Variants in PYGM observed in about 807,000 individuals in gnomAD.
PYGM encodes glycogen phosphorylase, muscle form.
PYGM carries 81 observed loss-of-function variants against 99.3 expected under a neutral mutation model. The ratio of observed to expected loss-of-function variants is 0.82; its 90% CI spans 0.68 to 0.98. The LOEUF is 0.98. Ranked by LOEUF, PYGM falls within the 50% of genes least tolerant of loss-of-function variation. The pLI is 0.00. For synonymous variants in PYGM, 436 were observed against 451.5 expected, an observed-to-expected ratio of 0.97 and a Z score of 0.44; for missense variants, 1,030 against 1,158.1, an observed-to-expected ratio of 0.89 and a Z score of 1.61.
intron 1 of PYGM, among the ~76,000 whole-genome samples, chr11:64,759,011 A>AT (rs1565538466): frequency 5.5e-4 from 84 of 152,000 alleles, no homozygotes; most frequent in African/African-American, 2.0e-3. Context: ...CCCTGCACAC[A>AT]CCCCCAGAGA....
Position 64,754,152 on chromosome 11 carries a change from C to G in PYGM, c.1092+101G>C. On this transcript the variant is annotated intron_variant, in intron 9 of 19. Transcript: ENST00000164139. The surrounding 1 kb of genome is among the most constrained non-coding windows in gnomAD (Gnocchi z 5.5). ...AGGACGGTCCCTCTGGCCTCAGGCT[C>G]TGATCCCTTCACTCCATTCATATCC... The G allele has an allele frequency of 6.3e-7, 1 of 1,581,740 alleles. No homozygotes were observed. Among genetic ancestry groups the G allele is most frequent in the Non-Finnish European group, 8.7e-7 (1 of 1,151,484 alleles).
Position 64,753,873 on chromosome 11 carries a change from A to G in PYGM, c.1239+6T>C. 1 of 1,557,226 alleles carries G rather than the reference A, an allele frequency of 6.4e-7. No homozygotes were observed. Among genetic ancestry groups the G allele is most frequent in the South Asian group, 1.2e-5 (1 of 85,178 alleles). On this transcript the variant is annotated splice_donor_region_variant and intron_variant, in intron 10 of 19. Coordinates refer to ENST00000164139, the MANE Select transcript of PYGM (RefSeq NM_005609.4). ...CCCACACCATCCCCCAAGCCTCCGG[A>G]CTCACGTTGAGGAAGCGCTGGTTGA...
chr11:64,747,432 TCCCATG>T, intron 17 of PYGM, 74 bp from the exon 18 acceptor site: 1 of 1,604,276 alleles, frequency 6.2e-7, no homozygotes, highest in Non-Finnish European at 8.5e-7. Flanking sequence ...AGCTGAGAAG[TCCCATG>T]CCCCAGGGTC....
rs1287858452 is a variant in PYGM, at chr11:64,753,842, C to A, written c.1239+37G>T. ...CCCAGGCCCAGACTGGGTGTCCCCC[C>A]TCACCCCCACACCATCCCCCAAGCC... On this transcript the variant is annotated intron_variant, in intron 10 of 19. Transcript: ENST00000164139. 4.5e-6 allele frequency: 7 copies of A among 1,551,470 alleles called. No individual in the cohort carries two copies. In the Admixed American group the frequency reaches 1.2e-4, roughly 26 times the overall value.
intron 18 of PYGM, 64 bp from the exon 19 acceptor site, chr11:64,747,051 A>C (rs1443717193): frequency 1.3e-6 from 2 of 1,592,414 alleles, no homozygotes; most frequent in African/African-American, 1.3e-5. Flanking sequence ...CTATGAGGTC[A>C]AGGGCCAAGC....
intron 16 of PYGM, 144 bp downstream of exon 16, chr11:64,751,181 T>G (rs1432792202): frequency 7.8e-7 from 1 of 1,275,248 alleles, no homozygotes; most frequent in African/African-American, 1.5e-5. Context: ...CATGGGCCAC[T>G]GCGCCTGGCC....
At chr11:64,751,733 C>T (rs886704060) in intron 14 of PYGM, 78 bp from the exon 15 acceptor site, 34 of 1,569,746 alleles carry the variant, frequency 2.2e-5, no homozygotes, top group Non-Finnish European at 2.6e-5. Context: ...TGGGCTGGGA[C>T]ACCGTAGGCC....
intron 5 of PYGM, among the ~76,000 whole-genome samples, chr11:64,756,463 G>GT (rs2058394942): frequency 1.3e-5 from 2 of 152,210 alleles, no homozygotes; most frequent in Non-Finnish European, 2.9e-5. Context: ...TTGTTTGTTT[G>GT]TTTTTGAGAT....
intron 17 of PYGM, 22 bp from the exon 18 acceptor site, chr11:64,747,380 C>T: frequency 6.2e-7 from 1 of 1,614,026 alleles, no homozygotes; most frequent in South Asian, 1.1e-5. Context: ...GAGCTGTGGT[C>T]AGCTCCCCGG....
intron 12 of PYGM, 150 bp from the exon 13 acceptor site, chr11:64,752,654 G>A: frequency 1.3e-6 from 1 of 784,170 alleles, no homozygotes; most frequent in Non-Finnish European, 2.2e-6. Flanking sequence ...CCGCCCAGAT[G>A]GGGCACGGGG....
At chr11:64,747,605 C>T (rs1188398469) in intron 17 of PYGM, 8 of 535,966 alleles carry the variant, frequency 1.5e-5, no homozygotes, top group East Asian at 3.3e-5. Context: ...AGAGCCAAGG[C>T]CCCCAAACAA....
intron 10 of PYGM, 40 bp from the exon 11 acceptor site, chr11:64,753,722 AC>A (rs2058373598): frequency 1.9e-6 from 3 of 1,577,866 alleles, no homozygotes; most frequent in African/African-American, 1.4e-5. Flanking sequence ...AGACCCAGGA[AC>A]CCCCATCCCC....
At chr11:64,747,567 G>T (rs1177445481) in intron 17 of PYGM, 2 of 616,624 alleles carry the variant, frequency 3.2e-6, no homozygotes, top group Admixed American at 2.8e-5. Flanking sequence ...AGAAACTGAG[G>T]CCCGGAGGAT....
In PYGM at chr11:64,754,710, C is replaced by G. The variant is rs758682386; in HGVS notation, c.982G>C (p.Asp328His). ...CATGGTACCTTATCTGGGAAGGCATCGAAGTTCGTGCGCACGGGATCACGG... is the reference window on the plus strand; with the variant it reads ...CATGGTACCTTATCTGGGAAGGCATGGAAGTTCGTGCGCACGGGATCACGG... The part of the protein sequence containing the change: ...GCRDPVRTNF[D>H]AFPDKVAIQL... Residue 328 changes from aspartate to histidine, a missense_variant, in exon 8 of 20, where the codon GAT (aspartate) becomes CAT (histidine). Physicochemically the swap from Asp to His is moderately conservative, Grantham distance 81. Transcript: ENST00000164139. The surrounding 1 kb of genome is among the most constrained non-coding windows in gnomAD (Gnocchi z 5.5). The G allele has an allele frequency of 2.5e-6, 4 of 1,613,674 alleles. No individual in the cohort carries two copies. In the East Asian group the frequency reaches 6.7e-5, roughly 27 times the overall value.
At chr11:64,756,522 C>T (rs2058395334) in intron 5 of PYGM, among the ~76,000 whole-genome samples, 1 of 152,206 alleles carries the variant, frequency 6.6e-6, no homozygotes, top group Non-Finnish European at 1.5e-5. Flanking sequence ...ACTATCTTGG[C>T]TCACTGTAAC....
chr11:64,759,519 A>G, intron 1 of PYGM, 137 bp downstream of exon 1: 3 of 1,405,452 alleles, frequency 2.1e-6, no homozygotes, highest in Non-Finnish European at 2.9e-6. Context: ...TTGTCCCAGC[A>G]CCCCTTGTGC....
Position 64,754,794 on chromosome 11 carries a change from C to T in PYGM, c.898G>A (p.Val300Met), listed in dbSNP as rs757387408. 42 of 1,613,870 alleles carry T rather than the reference C, an allele frequency of 2.6e-5. No individual in the cohort carries two copies. Among genetic ancestry groups the T allele is most frequent in the Middle Eastern group, 1.7e-4 (1 of 6,048 alleles). Residue 300 changes from valine (V) to methionine (M), a missense_variant, in exon 8 of 20, where the codon GTG becomes ATG. Coordinates refer to ENST00000164139, the MANE Select transcript of PYGM (RefSeq NM_005609.4). This position sits in a 1 kb window ranked among gnomAD's most constrained non-coding sequence, Gnocchi z 5.5. ...ATGTCCTGGAGGGTGGCAGCCACCACGAAATACTCCTGCTTCAGCCGCAGC... is the reference window on the plus strand; with the variant it reads ...ATGTCCTGGAGGGTGGCAGCCACCATGAAATACTCCTGCTTCAGCCGCAGC... The part of the protein sequence containing the change: ...KELRLKQEYF[V>M]VAATLQDIIR...
chr11:64,754,079 C>T lies in PYGM; in HGVS notation c.1093-54G>A. 6.2e-7 allele frequency: 1 copy of T among 1,600,006 alleles called. No individual in the cohort carries two copies. The highest frequency in any genetic ancestry group is 1.3e-5 in the African/African-American group (1 of 74,664). ...CTGACCTCAGCCCAGTGGGTCTCCT[C>T]ACACACTACGCATCCCAGTGGGCCC... On this transcript the variant is annotated intron_variant, in intron 9 of 19. Transcript: ENST00000164139. This position sits in a 1 kb window ranked among gnomAD's most constrained non-coding sequence, Gnocchi z 5.5.
rs1201313930 is a variant in PYGM at position 64,754,674 on chromosome 11, C to T, written c.999+19G>A. On this transcript the variant is annotated intron_variant, in intron 8 of 19. Transcript: ENST00000164139. This position sits in a 1 kb window ranked among gnomAD's most constrained non-coding sequence, Gnocchi z 5.5. ...CACACACTGTCCGGTCACAGAGTCG[C>T]CCTCCACACGCATGGTACCTTATCT... is the stretch of plus-strand genomic sequence containing the variant. 6.2e-7 allele frequency: 1 copy of T among 1,612,260 alleles called. No homozygotes were observed. Among genetic ancestry groups the T allele is most frequent in the South Asian group, 1.1e-5 (1 of 90,872 alleles).
Sources: allele counts gnomAD v4.1 joint callset (sites outside exome capture counted in the v4.1 genomes callset), GRCh38; gene constraint gnomAD v4.1.1; non-coding constraint Gnocchi (gnomAD v3.1); transcripts MANE v1.5; gene names NCBI Gene and HGNC (gene_info 2026-07-23, HGNC 2026-07-21).